Variants in TSHR observed in about 807,000 individuals in gnomAD.
TSHR encodes the protein thyrotropin receptor.
TSHR carries 51 observed loss-of-function variants against 64.1 expected under a neutral mutation model. That is an observed-to-expected ratio of 0.80 (90% CI 0.64 to 1.01). The LOEUF (loss-of-function observed/expected upper bound fraction) is 1.01, where lower values mean the gene tolerates loss of function less well. Ranked by LOEUF, TSHR falls within the 50% of genes least tolerant of loss-of-function variation. The pLI, the probability that TSHR is intolerant of heterozygous loss-of-function variation, is 0.00. For synonymous variants in TSHR, 361 were observed against 361.9 expected, an observed-to-expected ratio of 1.00 and a Z score of 0.03; for missense variants, 877 against 942.8, an observed-to-expected ratio of 0.93 and a Z score of 0.91.
intron 1 of TSHR, among the ~76,000 whole-genome samples, chr14:81,044,288 T>C (rs1885058728): frequency 6.6e-6 from 1 of 152,064 alleles, no homozygotes; most frequent in African/African-American, 2.4e-5. Flanking sequence ...GGACACTTCA[T>C]AAAAGAAGAC....
Position 81,144,449 on chromosome 14 carries a change from G to T in TSHR, c.*96G>T. 1.6e-6 allele frequency: 2 copies of T among 1,249,532 alleles called. No homozygotes were observed. Among genetic ancestry groups the T allele is most frequent in the East Asian group, 2.4e-5 (1 of 41,384 alleles). The allele number at this position is 1,249,532 out of a possible 1,614,324, so 77.4% of individuals were successfully genotyped here. A position where few individuals can be genotyped will look rare whatever the true frequency, so the allele number is the denominator to read the frequency against. ...CCCATGACACCCCCAACACATAGCT[G>T]CCCTCACTCTTGTGCAGGCGATGTT... is the stretch of plus-strand genomic sequence containing the variant. On this transcript the variant is annotated 3_prime_UTR_variant, in exon 10 of 10. Transcript: ENST00000298171.
At chr14:81,108,918 A>C in intron 8 of TSHR, 1 of 1,405,726 alleles carries the variant, frequency 7.1e-7, no homozygotes, top group Non-Finnish European at 9.2e-7. Flanking sequence ...GAAAGATGGA[A>C]TAAAAACATT....
chr14:80,996,735 T>G (rs1488764610), intron 1 of TSHR, among the ~76,000 whole-genome samples: 1 of 152,096 alleles, frequency 6.6e-6, no homozygotes, highest in Non-Finnish European at 1.5e-5. Flanking sequence ...TTGTACTAGT[T>G]CCTCCTTAAA....
chr14:81,131,590 A>G (rs1172704516), intron 8 of TSHR, among the ~76,000 whole-genome samples: 1 of 152,032 alleles, frequency 6.6e-6, no homozygotes. Flanking sequence ...TGCTTCCTCA[A>G]ATATACCAGG....
chr14:81,084,569 G>T (rs1486231356), intron 3 of TSHR, among the ~76,000 whole-genome samples: 1 of 152,168 alleles, frequency 6.6e-6, no homozygotes, highest in East Asian at 1.9e-4. Context: ...TTGCTCATGG[G>T]AGAGTACTGG....
intron 1 of TSHR, 63 bp from the exon 2 acceptor site, chr14:81,062,085 A>T: frequency 7.3e-7 from 1 of 1,361,086 alleles, no homozygotes; most frequent in Non-Finnish European, 1.0e-6. Context: ...TTTTATAATT[A>T]AGGTGAATTA....
intron 1 of TSHR, chr14:80,995,438 C>A (rs1051211779): frequency 6.6e-6 from 1 of 152,118 alleles, no homozygotes; most frequent in Non-Finnish European, 1.5e-5. Flanking sequence ...AAATGTCCAT[C>A]AGTGATAGAC....
intron 4 of TSHR, among the ~76,000 whole-genome samples, chr14:81,089,024 T>C (rs539265775): frequency 1.3e-5 from 2 of 151,474 alleles, no homozygotes; most frequent in South Asian, 4.2e-4. Context: ...TCTTGCTCTG[T>C]TGCCCCAGGC....
At chr14:81,053,203 T>A (rs1489567218) in intron 1 of TSHR, 5 of 152,108 alleles carry the variant, frequency 3.3e-5, no homozygotes, top group Admixed American at 3.3e-4. Context: ...AAAATTGATA[T>A]CCCAGCTTAA....
intron 8 of TSHR, among the ~76,000 whole-genome samples, chr14:81,113,840 G>A (rs1034071904): frequency 2.0e-5 from 3 of 152,038 alleles, no homozygotes; most frequent in African/African-American, 7.2e-5. Context: ...TGACACTGAA[G>A]CTGGTCAGTC....
intron 1 of TSHR, among the ~76,000 whole-genome samples, chr14:80,974,400 T>C (rs1477852346): frequency 6.6e-6 from 1 of 152,214 alleles, no homozygotes; most frequent in African/African-American, 2.4e-5. Flanking sequence ...TCTGTGCCAA[T>C]AGAGCACATA....
In TSHR at chr14:80,955,863, G is replaced by C; in HGVS notation, c.170+13G>C. Reference sequence around the variant, plus strand: ...GTACGCAGACTCTGTGAGTACCCGGGAGAGATCAGGGTAGGACCCAGAGAT... The same window carrying C: ...GTACGCAGACTCTGTGAGTACCCGGCAGAGATCAGGGTAGGACCCAGAGAT... On this transcript the variant is annotated intron_variant, in intron 1 of 9. Coordinates refer to ENST00000298171, the MANE Select transcript of TSHR (RefSeq NM_000369.5). The C allele has an allele frequency of 6.2e-7, 1 of 1,614,108 alleles. No homozygotes were observed. Among genetic ancestry groups the C allele is most frequent in the South Asian group, 1.1e-5 (1 of 91,090 alleles).
intron 3 of TSHR, among the ~76,000 whole-genome samples, chr14:81,079,875 A>T (rs1388462686): frequency 2.6e-5 from 4 of 151,836 alleles, no homozygotes. Context: ...AAAAAAAAAA[A>T]AGCAAAGAAA....
intron 2 of TSHR, among the ~76,000 whole-genome samples, chr14:81,067,723 A>G (rs564309105): frequency 6.7e-6 from 1 of 149,106 alleles, no homozygotes; most frequent in African/African-American, 2.5e-5. Flanking sequence ...TAAAGGAAAT[A>G]GAAGAGTTCC....
chr14:81,055,183 C>A (rs1228434972), intron 1 of TSHR, among the ~76,000 whole-genome samples: 3 of 150,498 alleles, frequency 2.0e-5, no homozygotes, highest in African/African-American at 4.8e-5. Flanking sequence ...AGGATGCAAG[C>A]CCCAAGCCTT....
rs772967376 is a variant in TSHR at position 81,139,631 on chromosome 14, C to T, written c.693-48C>T. On this transcript the variant is annotated intron_variant, in intron 8 of 9. Coordinates refer to ENST00000298171, the MANE Select transcript of TSHR (RefSeq NM_000369.5). ...AGTTTCTGGCCAAGGCTGAGAAGGC[C>T]CTGGCTGCTCACTGCCTCTCTGCAT... 8 of 1,605,298 alleles carry T rather than the reference C, an allele frequency of 5.0e-6. No homozygotes were observed. In the Admixed American group the frequency reaches 1.0e-4, roughly 20 times the overall value.
At chr14:81,130,976 C>T (rs1187456038) in intron 8 of TSHR, among the ~76,000 whole-genome samples, 1 of 77,524 alleles carries the variant, frequency 1.3e-5, no homozygotes, top group Non-Finnish European at 2.0e-5. Context: ...CCGGCCTGGG[C>T]GACAGAGCGA....
At chr14:81,109,003 G>A (rs894888685) in intron 8 of TSHR, 64 of 1,250,954 alleles carry the variant, frequency 5.1e-5, no homozygotes, top group Non-Finnish European at 6.5e-5. Context: ...CAGTGATCAG[G>A]TTCTATTGAT....
intron 1 of TSHR, among the ~76,000 whole-genome samples, chr14:80,990,645 A>G (rs1888679105): frequency 6.8e-6 from 1 of 146,454 alleles, no homozygotes. Flanking sequence ...TCTTTAAGAG[A>G]CAGGCTGAAA....
Sources: gnomAD v4.1 joint callset for allele counts (sites outside exome capture counted in the v4.1 genomes callset) on GRCh38, gnomAD v4.1.1 for gene constraint, MANE v1.5 for transcripts, NCBI Gene and HGNC (gene_info 2026-07-23, HGNC 2026-07-21) for gene names.